Variants in ARVCF observed in about 807,000 individuals in gnomAD.
ARVCF encodes ARVCF delta catenin family member.
A neutral mutation model predicts 90.9 loss-of-function variants in ARVCF; 66 were observed. That is an observed-to-expected ratio of 0.73 (90% CI 0.60 to 0.89). The LOEUF is 0.89. ARVCF is among the 40% of genes least tolerant of loss of function. ARVCF has a pLI of 0.00. For synonymous variants in ARVCF, 653 were observed against 603.4 expected (o/e 1.08, Z -1.21); for missense variants, 1,469 against 1,382.3 (o/e 1.06, Z -1.00).
At position 19,978,986 on chromosome 22, in the gene ARVCF, G is replaced by A. The variant is rs766236748; in HGVS notation, c.1491C>T (p.His497=). The A allele has an allele frequency of 4.8e-5, 78 of 1,613,286 alleles. No individual in the cohort carries two copies. The highest frequency in any genetic ancestry group is 6.1e-5 in the Non-Finnish European group (72 of 1,179,966). Residue 497 remains histidine, a synonymous_variant, in exon 7 of 20, where the codon CAC becomes CAT. Coordinates refer to ENST00000263207, the MANE Select transcript of ARVCF (RefSeq NM_001670.3). ...CGTTGGGCTCACGCTCCCATCCTGA[G>A]TGGGGCACGATCACCTCGTGGGTCA... The part of the protein sequence containing the change: ...QTLTHEVIVP[H]SGWEREPNED...
At chr22:19,979,260 G>A (rs1338800166) in intron 6 of ARVCF, 180 bp from the exon 7 acceptor site, 6 of 686,186 alleles carry the variant, frequency 8.7e-6, no homozygotes, top group South Asian at 2.0e-5. Flanking sequence ...CAGCTAGGAA[G>A]GAGCCCCAAA....
At chr22:19,974,551 G>A (rs1484808618) in intron 11 of ARVCF, among the ~76,000 whole-genome samples, 2 of 152,106 alleles carry the variant, frequency 1.3e-5, no homozygotes, top group Non-Finnish European at 2.9e-5. Context: ...GCATTTCCCG[G>A]TAGGTCCCTG....
At chr22:19,985,093 C>T (rs1315783655) in intron 3 of ARVCF, among the ~76,000 whole-genome samples, 1 of 152,180 alleles carries the variant, frequency 6.6e-6, no homozygotes, top group Non-Finnish European at 1.5e-5. Flanking sequence ...CCCCACACAG[C>T]CTCTGCCTCA....
At chr22:20,006,909 C>T (rs982755752) in intron 2 of ARVCF, among the ~76,000 whole-genome samples, 1 of 151,766 alleles carries the variant, frequency 6.6e-6, no homozygotes, top group Non-Finnish European at 1.5e-5. Context: ...GGATTACAAG[C>T]ATGAGCCACC....
intron 3 of ARVCF, among the ~76,000 whole-genome samples, chr22:19,984,339 T>G (rs965364357): frequency 1.3e-5 from 2 of 152,136 alleles, no homozygotes; most frequent in Admixed American, 6.5e-5. Flanking sequence ...CAGGCAGAGC[T>G]GGGGTGGTCC....
At chr22:19,972,006 T>C in intron 17 of ARVCF, 35 bp from the exon 18 acceptor site, 1 of 1,550,050 alleles carries the variant, frequency 6.5e-7, no homozygotes, top group Non-Finnish European at 8.8e-7. Flanking sequence ...TGAGGGGCGC[T>C]CTGAGGGAGG....
At chr22:19,987,062 T>C in intron 3 of ARVCF, 1 of 642,374 alleles carries the variant, frequency 1.6e-6, no homozygotes, top group Non-Finnish European at 2.8e-6. Flanking sequence ...CCAAGCCAAC[T>C]TCCCTCCAAC....
rs1016753329 is a variant in ARVCF at position 19,981,690 on chromosome 22, C to T, written c.417G>A (p.Val139=). 7 of 1,599,658 alleles carry T rather than the reference C, an allele frequency of 4.4e-6. No individual in the cohort carries two copies. The highest frequency in any genetic ancestry group is 4.3e-6 in the Non-Finnish European group (5 of 1,173,422). ...KTVTTRTVRQ[V]PVGPDGLPLL... ...GGGGGAGTCCATCTGGGCCCACGGGCACCTGGCGTACTGTCCGAGTGGTCA... is the reference window on the plus strand; with the variant it reads ...GGGGGAGTCCATCTGGGCCCACGGGTACCTGGCGTACTGTCCGAGTGGTCA... The change falls in exon 5 of 20, where the codon GTG becomes GTA. Residue 139 remains valine, a synonymous_variant. Coordinates refer to ENST00000263207, the MANE Select transcript of ARVCF (RefSeq NM_001670.3).
At chr22:19,966,743 A>G (rs993102912), downstream of ARVCF, among the ~76,000 whole-genome samples, 1 of 151,426 alleles carries the variant, frequency 6.6e-6, no homozygotes, top group African/African-American at 2.4e-5. Context: ...TGAGGCTCCA[A>G]CTTTTTGTTG....
At chr22:19,968,637 T>C (rs1294660374), downstream of ARVCF, 3 of 1,613,966 alleles carry the variant, frequency 1.9e-6, no homozygotes, top group Non-Finnish European at 2.5e-6. Flanking sequence ...GCAGCTGCTT[T>C]GAGTGCACAC....
chr22:19,981,548 C>G lies in ARVCF; in HGVS notation c.559G>C (p.Gly187Arg). 6.3e-7 allele frequency: 1 copy of G among 1,591,490 alleles called. No homozygotes were observed. Among genetic ancestry groups the G allele is most frequent in the Non-Finnish European group, 8.5e-7 (1 of 1,170,594 alleles). Reference sequence around the variant, plus strand: ...GGCTCGGGGCCTTCGGGAAAGCCACCCCCACTGCTGAGGTAGGCTCGAGAG... The same window carrying G: ...GGCTCGGGGCCTTCGGGAAAGCCACGCCCACTGCTGAGGTAGGCTCGAGAG... ...TLSRAYLSSG[G>R]GFPEGPEPRD... is the part of the protein sequence containing the mutation. The change falls in exon 5 of 20, where the codon GGT becomes CGT. Residue 187 changes from glycine (G) to arginine (R), a missense_variant. Transcript: ENST00000263207.
downstream of ARVCF, chr22:19,968,925 A>T (rs987233753): frequency 1.7e-6 from 1 of 600,476 alleles, no homozygotes; most frequent in Non-Finnish European, 3.0e-6. Flanking sequence ...TTAAGACTCA[A>T]TCATGACTTC....
At chr22:19,981,018 G>A in intron 5 of ARVCF, 193 bp downstream of exon 5, 1 of 684,074 alleles carries the variant, frequency 1.5e-6, no homozygotes, top group Non-Finnish European at 2.3e-6. Context: ...GGGCCTGCAG[G>A]ACAGTGCCCA....
rs1401087228 is a variant in ARVCF, at chr22:20,011,800, A to G, written c.-72-1292T>C. On this transcript the variant is annotated intron_variant, in intron 1 of 19. Transcript: ENST00000263207. ...TTGCTCTGAGTGTGACATTTCTAGG[A>G]AACCTCTGGTTTTAGCTTAAGTGTT... Among the ~76,000 whole-genome samples, 4 of 152,164 alleles carry G rather than the reference A, an allele frequency of 2.6e-5. No homozygotes were observed. In the East Asian group the frequency reaches 7.7e-4, roughly 29 times the overall value.
In ARVCF at chr22:19,980,218, ATCATCTGCTGTG is replaced by A. The variant is rs1422212703; in HGVS notation, c.909_920del (p.Thr304_Asp307del). On this transcript the variant is annotated inframe_deletion, in exon 6 of 20. Transcript: ENST00000263207. ...GCCGCTCGTCCGCCAGCTCGCCGCCATCATCTGCTGTGTCCTCGTAGGCCCTGCACAGGCAAG... is the reference window on the plus strand; with the variant it reads ...GCCGCTCGTCCGCCAGCTCGCCGCCATCCTCGTAGGCCCTGCACAGGCAAG... 1 of 1,541,660 alleles carries A rather than the reference ATCATCTGCTGTG, an allele frequency of 6.5e-7. No individual in the cohort carries two copies. Among genetic ancestry groups the A allele is most frequent in the Non-Finnish European group, 8.7e-7 (1 of 1,144,914 alleles).
In ARVCF at chr22:19,974,193, GGA is replaced by G. The variant is rs1569150975; in HGVS notation, c.2005_2006del (p.Ser669ProfsTer52). On this transcript the variant is annotated frameshift_variant, in exon 12 of 20. Coordinates refer to ENST00000263207, the MANE Select transcript of ARVCF (RefSeq NM_001670.3). LOFTEE classifies it high-confidence loss of function. ...TGAAGTTCCGGCTCTCCGTGAGGAG[GGA>G]GAGGTAGAGACGTACCACCTCGGGC... is the stretch of plus-strand genomic sequence containing the variant. ...YQPEVVRLYL[S>X]LLTESRNFNT... The G allele has an allele frequency of 6.2e-7, 1 of 1,612,852 alleles. No individual in the cohort carries two copies. The highest frequency in any genetic ancestry group is 1.3e-5 in the African/African-American group (1 of 75,014).
intron 15 of ARVCF, 22 bp from the exon 16 acceptor site, chr22:19,972,849 CAG>C (rs759852023): frequency 6.2e-7 from 1 of 1,613,612 alleles, no homozygotes; most frequent in Admixed American, 1.7e-5. Context: ...AACACAGACA[CAG>C]GGTGGGTGAA....
At chr22:19,999,235 C>T (rs992512973) in intron 2 of ARVCF, among the ~76,000 whole-genome samples, 2 of 152,086 alleles carry the variant, frequency 1.3e-5, no homozygotes, top group Non-Finnish European at 2.9e-5. Context: ...TGCATGTGGG[C>T]GCCCTGCCTA....
rs574660772 is a variant in ARVCF at position 20,004,151 on chromosome 22, TACTAAAC to T, written c.-19+6297_-19+6303del. Among the ~76,000 whole-genome samples, 914 of 152,158 alleles carry T rather than the reference TACTAAAC, an allele frequency of 6.0e-3. 11 individuals are homozygous for T. Among genetic ancestry groups the T allele is most frequent in the African/African-American group, 0.02 (843 of 41,518 alleles). On this transcript the variant is annotated intron_variant, in intron 2 of 19. Coordinates refer to ENST00000263207, the MANE Select transcript of ARVCF (RefSeq NM_001670.3). ...CCATTAAAAAGAATAGAATACATAA[TACTAAAC>T]TTAAGAAACTTAAGATCTGTACACT...
Sources: allele counts gnomAD v4.1 joint callset (sites outside exome capture counted in the v4.1 genomes callset), GRCh38; gene constraint gnomAD v4.1.1; transcripts MANE v1.5; gene names NCBI Gene and HGNC (gene_info 2026-07-23, HGNC 2026-07-21).